Variants in ACSL5 observed in about 807,000 individuals in gnomAD.
The protein encoded by ACSL5 is acyl-CoA synthetase long chain family member 5.
Under a neutral mutation model 84.9 loss-of-function variants are expected in ACSL5, and 50 were observed. The observed-to-expected ratio is 0.59, with a 90% CI of 0.47 to 0.75. ACSL5 has a LOEUF of 0.75. Ranked by LOEUF, ACSL5 falls within the 30% of genes least tolerant of loss-of-function variation. The probability of loss-of-function intolerance (pLI) is 0.00; values close to 1 mark genes in which losing one functional copy is unlikely to be tolerated. For synonymous variants in ACSL5, 280 were observed against 300.7 expected (o/e 0.93, Z 0.71); for missense variants, 775 against 830.4 (o/e 0.93, Z 0.82).
At chr10:112,392,340 C>T (rs1457950769) in intron 1 of ACSL5, among the ~76,000 whole-genome samples, 1 of 115,596 alleles carries the variant, frequency 8.7e-6, no homozygotes, top group African/African-American at 2.6e-5. Context: ...GGTACGGTGG[C>T]TCACACCTGT....
chr10:112,377,332 GA>G (rs991042103), intron 1 of ACSL5, among the ~76,000 whole-genome samples: 1 of 152,214 alleles, frequency 6.6e-6, no homozygotes, highest in Non-Finnish European at 1.5e-5. Flanking sequence ...CTGAAGTCAG[GA>G]GTTAGAAACC....
chr10:112,425,557 A>G (rs1375842149), intron 18 of ACSL5, 76 bp downstream of exon 18: 1 of 1,152,144 alleles, frequency 8.7e-7, no homozygotes, highest in East Asian at 2.8e-5. Flanking sequence ...AAATTTGTAT[A>G]GTTGGGTTCA....
At chr10:112,399,582 A>G (rs1843828553) in intron 3 of ACSL5, among the ~76,000 whole-genome samples, 1 of 152,176 alleles carries the variant, frequency 6.6e-6, no homozygotes, top group Non-Finnish European at 1.5e-5. Context: ...AAGCCTTAAT[A>G]TTTATATCTT....
chr10:112,420,032 CAT>C (rs1844419489), intron 14 of ACSL5: 1 of 152,218 alleles, frequency 6.6e-6, no homozygotes, highest in Non-Finnish European at 1.5e-5. Flanking sequence ...GACTTTTCCT[CAT>C]GAGTCCCCTA....
chr10:112,417,359 C>T (rs770208877), intron 13 of ACSL5, among the ~76,000 whole-genome samples: 5 of 151,842 alleles, frequency 3.3e-5, no homozygotes, highest in Non-Finnish European at 5.9e-5. Flanking sequence ...AAAAATTAGC[C>T]GGGCGTGGTG....
chr10:112,391,150 G>A (rs911339922), intron 1 of ACSL5, among the ~76,000 whole-genome samples: 20 of 152,130 alleles, frequency 1.3e-4, no homozygotes, highest in Admixed American at 8.5e-4. Context: ...AGGCCAAGGC[G>A]GGCGGATCAC....
chr10:112,384,469 C>T (rs1254598941), intron 1 of ACSL5, among the ~76,000 whole-genome samples: 1 of 152,150 alleles, frequency 6.6e-6, no homozygotes, highest in Non-Finnish European at 1.5e-5. Context: ...GATTTCTCCT[C>T]TTCCATCTGT....
chr10:112,392,441 T>C (rs56401920), intron 1 of ACSL5, among the ~76,000 whole-genome samples: 1 of 118,756 alleles, frequency 8.4e-6, no homozygotes. Context: ...GCTGTGTCTT[T>C]ACAAAAAATT....
chr10:112,424,627 A>T (rs1334104647), intron 17 of ACSL5: 1 of 152,240 alleles, frequency 6.6e-6, no homozygotes, highest in Non-Finnish European at 1.5e-5. Context: ...TGGCTAATTT[A>T]TCAAGTCGGC....
intron 1 of ACSL5, among the ~76,000 whole-genome samples, chr10:112,379,979 G>A (rs1286810406): frequency 6.6e-6 from 1 of 152,130 alleles, no homozygotes; most frequent in Non-Finnish European, 1.5e-5. Context: ...CACTTTGTCC[G>A]GCCTATCTTT....
intron 18 of ACSL5, 27 bp from the exon 19 acceptor site, chr10:112,426,231 C>G: frequency 1.3e-6 from 2 of 1,589,372 alleles, no homozygotes; most frequent in Non-Finnish European, 1.7e-6. Flanking sequence ...CTCTCATGCC[C>G]TTGCACCTTT....
intron 1 of ACSL5, among the ~76,000 whole-genome samples, chr10:112,394,044 G>A (rs922661756): frequency 2.6e-5 from 3 of 116,530 alleles, no homozygotes; most frequent in African/African-American, 8.3e-5. Context: ...AGGAAAAGAT[G>A]GCTTCAGCCA....
intron 3 of ACSL5, among the ~76,000 whole-genome samples, chr10:112,401,656 G>A (rs1009092865): frequency 6.6e-6 from 1 of 152,160 alleles, no homozygotes; most frequent in South Asian, 2.1e-4. Context: ...GCCCCTTTGG[G>A]CTAATTATTT....
At chr10:112,395,262 A>C (rs58372592) in intron 2 of ACSL5, among the ~76,000 whole-genome samples, 160 bp downstream of exon 2, 79 of 152,328 alleles carry the variant, frequency 5.2e-4, no homozygotes, top group African/African-American at 1.8e-3. Context: ...AACTTCTATT[A>C]CTGGCACATT....
chr10:112,426,266 A>G lies in ACSL5; in HGVS notation c.1746A>G (p.Leu582=), dbSNP rs776105561. ...TTATTTCCTTTCCATAGTCATCCTT[A>G]GTAGGAGTGGTGGTTCCTGACACAG... ...FVHGESLRSS[L]VGVVVPDTDV... Residue 582 remains leucine (L), a synonymous_variant, in exon 19 of 21, where the codon TTA becomes TTG. Transcript: ENST00000354655. 2 of 1,613,854 alleles carry G rather than the reference A, an allele frequency of 1.2e-6. No individual in the cohort carries two copies. The highest frequency in any genetic ancestry group is 2.2e-5 in the South Asian group (2 of 91,082).
At chr10:112,425,679 G>A (rs561856465) in intron 18 of ACSL5, 198 bp downstream of exon 18, 10 of 473,704 alleles carry the variant, frequency 2.1e-5, no homozygotes, top group African/African-American at 6.0e-5. Context: ...TATGATGGAC[G>A]TTGTACACAA....
At chr10:112,375,949 C>A (rs961967615) in intron 1 of ACSL5, among the ~76,000 whole-genome samples, 13 of 152,186 alleles carry the variant, frequency 8.5e-5, no homozygotes, top group African/African-American at 3.1e-4. Flanking sequence ...CAGGGAACAG[C>A]GTCACCTCTG....
chr10:112,425,208 T>G, intron 17 of ACSL5, 130 bp from the exon 18 acceptor site: 1 of 796,338 alleles, frequency 1.3e-6, no homozygotes, highest in South Asian at 2.3e-5. Flanking sequence ...GAAAGAGAAA[T>G]GAAAGACAGC....
chr10:112,424,366 A>G lies in ACSL5; in HGVS notation c.1594-972A>G, dbSNP rs146804682. 4 of 152,354 alleles carry G rather than the reference A, an allele frequency of 2.6e-5. No individual in the cohort carries two copies. The East Asian group carries it at 7.7e-4, about 29-fold the overall frequency. The allele number at this position is 152,354 out of a possible 1,614,324, so 9.4% of individuals were successfully genotyped here. ...TTAAAACTCCTTTCTTGCTCAATCA[A>G]TATTTAAGATTTAAGTGAGATTTAA... On this transcript the variant is annotated intron_variant, in intron 17 of 20. Transcript: ENST00000354655.
Sources: gnomAD v4.1 joint callset for allele counts (sites outside exome capture counted in the v4.1 genomes callset) on GRCh38, gnomAD v4.1.1 for gene constraint, MANE v1.5 for transcripts, NCBI Gene and HGNC (gene_info 2026-07-23, HGNC 2026-07-21) for gene names.